The following PPM1H variants were observed in gnomAD, a reference collection of about 807,000 sequenced individuals.
The protein encoded by PPM1H is protein phosphatase, Mg2+/Mn2+ dependent 1H, also known as protein phosphatase 1H.
A neutral mutation model predicts 54.9 loss-of-function variants in PPM1H; 27 were observed. The observed-to-expected ratio is 0.49, with a 90% CI of 0.36 to 0.68. The LOEUF is 0.68. Among genes scored for constraint, PPM1H ranks in the 30% least tolerant of loss-of-function variants. The pLI, the probability that PPM1H is intolerant of heterozygous loss-of-function variation, is 0.00. For missense variants in PPM1H, 596 were observed against 667.8 expected (o/e 0.89, Z 1.19); for synonymous variants, 305 against 270.8 (o/e 1.13, Z -1.24).
chr12:62,932,015 A>G (rs957330260), intron 1 of PPM1H, among the ~76,000 whole-genome samples: 1 of 152,022 alleles, frequency 6.6e-6, no homozygotes, highest in Non-Finnish European at 1.5e-5. Flanking sequence ...TGAAAGCCAA[A>G]TATCACCCAA....
chr12:62,683,951 G>C (rs2076037483), intron 8 of PPM1H, among the ~76,000 whole-genome samples: 1 of 152,208 alleles, frequency 6.6e-6, no homozygotes, highest in South Asian at 2.1e-4. Flanking sequence ...CAGGAGATGT[G>C]TGCTGGACTG....
intron 1 of PPM1H, among the ~76,000 whole-genome samples, chr12:62,860,098 G>C (rs564295990): frequency 6.6e-6 from 1 of 152,260 alleles, no homozygotes; most frequent in East Asian, 1.9e-4. Context: ...CCACATGGCT[G>C]GGGAGGCCTC....
chr12:62,734,762 C>T (rs1274964501), intron 5 of PPM1H, among the ~76,000 whole-genome samples: 1 of 152,148 alleles, frequency 6.6e-6, no homozygotes, highest in Non-Finnish European at 1.5e-5. Flanking sequence ...AGGAGGTGGG[C>T]TGTGCATAGT....
At chr12:62,757,475 C>G (rs1487941759) in intron 4 of PPM1H, among the ~76,000 whole-genome samples, 1 of 152,122 alleles carries the variant, frequency 6.6e-6, no homozygotes, top group Admixed American at 6.5e-5. Context: ...ACTTCTTTCT[C>G]AAACTGTAAA....
At chr12:62,687,793 T>C (rs61919539) in intron 8 of PPM1H, among the ~76,000 whole-genome samples, 9,001 of 152,036 alleles carry the variant, frequency 0.059, 397 homozygotes, top group East Asian at 0.2. Flanking sequence ...TGGATCACTA[T>C]AGCTCAGGAA....
intron 1 of PPM1H, among the ~76,000 whole-genome samples, chr12:62,900,322 T>C (rs968233548): frequency 2.6e-5 from 4 of 151,506 alleles, no homozygotes; most frequent in African/African-American, 9.7e-5. Context: ...GCTTCATCCA[T>C]GTCCCTACAA....
chr12:62,745,145 T>A (rs1397933207), intron 4 of PPM1H, among the ~76,000 whole-genome samples: 1 of 152,224 alleles, frequency 6.6e-6, no homozygotes, highest in Non-Finnish European at 1.5e-5. Context: ...TATGTTTCAA[T>A]GAGTGGCAAG....
chr12:62,838,340 G>GGC (rs1868574784), intron 1 of PPM1H, among the ~76,000 whole-genome samples: 1 of 106,198 alleles, frequency 9.4e-6, no homozygotes, highest in Non-Finnish European at 1.8e-5. Context: ...TGTGTGTGTG[G>GGC]GGGGGGGGAG....
At chr12:62,834,949 G>T (rs1387900971) in intron 1 of PPM1H, among the ~76,000 whole-genome samples, 3 of 152,052 alleles carry the variant, frequency 2.0e-5, no homozygotes, top group Non-Finnish European at 2.9e-5. Context: ...AGCTCAAGTG[G>T]GGGTTCAGCT....
Position 62,802,186 on chromosome 12 carries a change from G to A in PPM1H, c.412-26C>T, listed in dbSNP as rs182466313. 6.3e-4 allele frequency: 961 copies of A among 1,521,624 alleles called. 4 individuals are homozygous for A. The East Asian group carries it at 0.013, about 20-fold the overall frequency. 94.3% of individuals were successfully genotyped at this position (1,521,624 alleles called of 1,614,324 possible). ...CTGTGGGAGAGGACGACAGGGAGGA[G>A]TGAGAACGGCTGTGGACTTTGCCTC... On this transcript the variant is annotated intron_variant, in intron 2 of 9. Transcript: ENST00000228705.
intron 4 of PPM1H, among the ~76,000 whole-genome samples, chr12:62,760,830 T>C (rs1489423876): frequency 6.6e-6 from 1 of 152,212 alleles, no homozygotes; most frequent in Non-Finnish European, 1.5e-5. Flanking sequence ...AATGGCCAAA[T>C]GACCTAGACT....
At chr12:62,859,613 GCTTATTGT>G (rs1406478521) in intron 1 of PPM1H, among the ~76,000 whole-genome samples, 1 of 152,142 alleles carries the variant, frequency 6.6e-6, no homozygotes, top group African/African-American at 2.4e-5. Flanking sequence ...AATTTATACT[GCTTATTGT>G]CTTATGGAAC....
At chr12:62,656,130 C>T (rs1334762536) in intron 9 of PPM1H, among the ~76,000 whole-genome samples, 1 of 152,210 alleles carries the variant, frequency 6.6e-6, no homozygotes, top group Non-Finnish European at 1.5e-5. Flanking sequence ...TCCTCTTGTC[C>T]TTGCAGATTC....
At chr12:62,748,291 G>A (rs1475213111) in intron 4 of PPM1H, among the ~76,000 whole-genome samples, 1 of 151,550 alleles carries the variant, frequency 6.6e-6, no homozygotes, top group Non-Finnish European at 1.5e-5. Flanking sequence ...AAAGGGCAGC[G>A]ATCAAGCTCA....
intron 2 of PPM1H, 135 bp downstream of exon 2, chr12:62,831,979 G>A (rs774310979): frequency 9.5e-6 from 10 of 1,048,562 alleles, no homozygotes; most frequent in African/African-American, 1.6e-5. Flanking sequence ...CGATAGGCCC[G>A]CCACCCCACT....
At chr12:62,763,387 A>G (rs2076522063) in intron 4 of PPM1H, among the ~76,000 whole-genome samples, 1 of 152,228 alleles carries the variant, frequency 6.6e-6, no homozygotes, top group Admixed American at 6.5e-5. Context: ...CCAAATCCAG[A>G]TAGGGTAAAT....
chr12:62,678,078 C>T (rs1379073315), intron 8 of PPM1H, among the ~76,000 whole-genome samples: 1 of 152,120 alleles, frequency 6.6e-6, no homozygotes, highest in South Asian at 2.1e-4. Context: ...TCCCAAGAAG[C>T]TGGTACCACA....
chr12:62,749,046 T>G (rs1276139042), intron 4 of PPM1H, among the ~76,000 whole-genome samples: 1 of 152,150 alleles, frequency 6.6e-6, no homozygotes, highest in African/African-American at 2.4e-5. Context: ...ACAATTTAGA[T>G]TCTAAGTAAT....
At chr12:62,783,276 C>T (rs1056801192) in intron 4 of PPM1H, among the ~76,000 whole-genome samples, 2 of 152,156 alleles carry the variant, frequency 1.3e-5, no homozygotes, top group Non-Finnish European at 1.5e-5. Context: ...AACTGCAGTG[C>T]GTTTAAAATA....
Sources: allele counts gnomAD v4.1 joint callset (sites outside exome capture counted in the v4.1 genomes callset), GRCh38; gene constraint gnomAD v4.1.1; transcripts MANE v1.5; gene names NCBI Gene and HGNC (gene_info 2026-07-23, HGNC 2026-07-21).